IL1RAPL2: variants seen among roughly 807,000 people sequenced by gnomAD.
IL1RAPL2 encodes interleukin 1 receptor accessory protein like 2.
IL1RAPL2 carries 3 observed loss-of-function variants against 44.1 expected under a neutral mutation model. The ratio of observed to expected loss-of-function variants is 0.07; its 90% CI spans 0.03 to 0.18. IL1RAPL2 has a LOEUF of 0.18. Among genes scored for constraint, IL1RAPL2 ranks in the 10% least tolerant of loss-of-function variants. IL1RAPL2 has a pLI of 1.00. For synonymous variants in IL1RAPL2, 181 were observed against 178.8 expected (o/e 1.01, Z -0.10); for missense variants, 391 against 496.4 (o/e 0.79, Z 2.02).
At chrX:105,412,976 A>T (rs1026010886) in intron 5 of IL1RAPL2, among the ~76,000 whole-genome samples, 1 of 111,841 alleles carries the variant, frequency 8.9e-6, no homozygotes, top group African/African-American at 3.2e-5. Context: ...CCTATTTTTT[A>T]AAATTATTTT....
At chrX:105,021,998 T>C (rs1156649827) in intron 2 of IL1RAPL2, among the ~76,000 whole-genome samples, 3 of 110,799 alleles carry the variant, frequency 2.7e-5, no homozygotes, top group Admixed American at 9.6e-5. Flanking sequence ...GGTAAGTGTA[T>C]GGAGGTAATG....
intron 1 of IL1RAPL2, among the ~76,000 whole-genome samples, chrX:104,626,991 G>A (rs776781447): frequency 1.0e-3 from 111 of 108,869 alleles, no homozygotes; most frequent in African/African-American, 3.5e-3. Flanking sequence ...GTTAATTTTT[G>A]TATTTTTAGT....
chrX:104,732,702 A>T lies in IL1RAPL2; in HGVS notation c.82+73707A>T, dbSNP rs186237905. Among the ~76,000 whole-genome samples the T allele has an allele frequency of 9.5e-4, 106 of 112,114 alleles. 2 individuals carry two copies. The highest frequency in any genetic ancestry group is 6.7e-3 in the Admixed American group (71 of 10,550). On this transcript the variant is annotated intron_variant, in intron 2 of 10. Transcript: ENST00000372582. Reference sequence around the variant, plus strand: ...AAATTAGTTTATCAAATTTTCAAAGAACAGATAATCTCCATTTTATATAAC... The same window carrying T: ...AAATTAGTTTATCAAATTTTCAAAGTACAGATAATCTCCATTTTATATAAC...
At chrX:105,001,231 C>T (rs1425459310) in intron 2 of IL1RAPL2, among the ~76,000 whole-genome samples, 2 of 111,463 alleles carry the variant, frequency 1.8e-5, no homozygotes, top group African/African-American at 6.5e-5. Flanking sequence ...AGATGTCTTA[C>T]GTTGCCTAAT....
intron 2 of IL1RAPL2, among the ~76,000 whole-genome samples, chrX:104,678,128 T>A (rs772272199): frequency 4.5e-5 from 5 of 112,344 alleles, no homozygotes; most frequent in Non-Finnish European, 9.4e-5. Flanking sequence ...CCCCCCAAAA[T>A]TGCTTTCTTT....
intron 6 of IL1RAPL2, among the ~76,000 whole-genome samples, chrX:105,500,091 A>T (rs927082938): frequency 9.0e-6 from 1 of 111,625 alleles, no homozygotes; most frequent in African/African-American, 3.3e-5. Flanking sequence ...AAAGACCTAT[A>T]CTGCATGATT....
chrX:104,607,440 G>C (rs1263322073), intron 1 of IL1RAPL2, among the ~76,000 whole-genome samples: 2 of 112,197 alleles, frequency 1.8e-5, no homozygotes, highest in Non-Finnish European at 3.8e-5. Flanking sequence ...TGTCATTAGA[G>C]TGAATAGGCA....
At chrX:105,094,405 T>C (rs764268786) in intron 2 of IL1RAPL2, among the ~76,000 whole-genome samples, 1 of 111,998 alleles carries the variant, frequency 8.9e-6, no homozygotes, top group South Asian at 3.7e-4. Flanking sequence ...ATATACAAGA[T>C]GTATATGTAT....
chrX:104,790,041 CA>C (rs1214502191), intron 2 of IL1RAPL2, among the ~76,000 whole-genome samples: 1 of 112,370 alleles, frequency 8.9e-6, no homozygotes, highest in Non-Finnish European at 1.9e-5. Context: ...CTGAAGGACA[CA>C]ACAGGCTGGG....
chrX:104,643,119 G>A (rs752066322), intron 1 of IL1RAPL2, among the ~76,000 whole-genome samples: 44 of 112,046 alleles, frequency 3.9e-4, no homozygotes, highest in Non-Finnish European at 7.1e-4. Context: ...CATTGAGTTA[G>A]GTTGTTACTT....
intron 2 of IL1RAPL2, among the ~76,000 whole-genome samples, chrX:104,773,460 CTT>C (rs1416234520): frequency 4.5e-5 from 5 of 111,480 alleles, no homozygotes; most frequent in African/African-American, 1.6e-4. Context: ...TGAAACCACA[CTT>C]TTATTTCCTT....
At chrX:105,695,813 C>A (rs1279847558) in intron 6 of IL1RAPL2, among the ~76,000 whole-genome samples, 1 of 112,051 alleles carries the variant, frequency 8.9e-6, no homozygotes, top group Non-Finnish European at 1.9e-5. Context: ...CAAATACCCA[C>A]AACTAGAAAG....
chrX:105,384,052 G>A (rs993337089), intron 5 of IL1RAPL2, among the ~76,000 whole-genome samples: 2 of 110,779 alleles, frequency 1.8e-5, no homozygotes, highest in African/African-American at 6.6e-5. Flanking sequence ...TTTCCATTTT[G>A]TAGGTTGTCT....
At position 105,761,384 on chromosome X, in the gene IL1RAPL2, T is replaced by C. The variant is rs2038687203; in HGVS notation, c.1364-5580T>C. Among the ~76,000 whole-genome samples the C allele has an allele frequency of 4.5e-5, 5 of 110,216 alleles. No individual in the cohort carries two copies. The Admixed American group carries it at 4.9e-4, about 11-fold the overall frequency. ...GCAACATCAGCCAAGATAGAGTCAA[T>C]GTGTGTAACTATGCCAGTAGGTTAG... On this transcript the variant is annotated intron_variant, in intron 10 of 10. Transcript: ENST00000372582.
At chrX:104,930,540 A>C (rs146371908) in intron 2 of IL1RAPL2, among the ~76,000 whole-genome samples, 1 of 111,936 alleles carries the variant, frequency 8.9e-6, no homozygotes, top group African/African-American at 3.2e-5. Context: ...AGGTTGTATT[A>C]TTATCTCTGT....
intron 1 of IL1RAPL2, among the ~76,000 whole-genome samples, chrX:104,630,935 C>G (rs1158370763): frequency 9.2e-6 from 1 of 109,078 alleles, no homozygotes; most frequent in East Asian, 2.9e-4. Flanking sequence ...GTGTGCTGGA[C>G]CCAGTAACTC....
intron 5 of IL1RAPL2, among the ~76,000 whole-genome samples, chrX:105,315,578 G>GGATATATATATATATATATATATATA (rs1556280626): frequency 4.6e-5 from 1 of 21,815 alleles, no homozygotes; most frequent in African/African-American, 7.4e-5. Flanking sequence ...ACTAATGGAT[G>GGATATATATATATATATATATATATA]TATATATATA....
intron 2 of IL1RAPL2, among the ~76,000 whole-genome samples, chrX:104,844,724 C>T (rs1025613054): frequency 3.6e-5 from 4 of 112,051 alleles, no homozygotes; most frequent in Non-Finnish European, 5.6e-5. Context: ...GTCCACGGGT[C>T]GCAAGTTGGA....
intron 2 of IL1RAPL2, among the ~76,000 whole-genome samples, chrX:104,823,002 T>G (rs1921347784): frequency 8.9e-6 from 1 of 111,898 alleles, no homozygotes; most frequent in Non-Finnish European, 1.9e-5. Flanking sequence ...CCTAGGTATT[T>G]TATTCTCTTT....
Sources: gnomAD v4.1 joint callset for allele counts (sites outside exome capture counted in the v4.1 genomes callset) on GRCh38, gnomAD v4.1.1 for gene constraint, MANE v1.5 for transcripts, NCBI Gene and HGNC (gene_info 2026-07-23, HGNC 2026-07-21) for gene names.